The following NSRP1 variants were observed in gnomAD, a reference collection of about 807,000 sequenced individuals.
NSRP1 encodes the protein nuclear speckle splicing regulatory protein 1, also known as coiled-coil domain containing 55.
In NSRP1, 24 loss-of-function variants were observed where a neutral mutation model predicts 54.7. That is an observed-to-expected ratio of 0.44 (90% CI 0.32 to 0.62). The LOEUF (loss-of-function observed/expected upper bound fraction) is 0.62. Ranked by LOEUF, NSRP1 falls within the 20% of genes least tolerant of loss-of-function variation. The probability of loss-of-function intolerance (pLI) is 0.06; values close to 1 mark genes in which losing one functional copy is unlikely to be tolerated. For synonymous variants in NSRP1, 210 were observed against 213.8 expected, an observed-to-expected ratio of 0.98 and a Z score of 0.15; for missense variants, 596 against 651.2, an observed-to-expected ratio of 0.92 and a Z score of 0.92.
intron 1 of NSRP1, 101 bp from the exon 2 acceptor site, chr17:30,117,979 C>T: frequency 1.1e-6 from 1 of 906,862 alleles, no homozygotes; most frequent in Non-Finnish European, 1.8e-6. Flanking sequence ...AAGCTTATGA[C>T]ATGTTTTGAT....
At position 30,160,347 on chromosome 17, in the gene NSRP1, C is replaced by CT. The variant is rs776801783; in HGVS notation, c.115-12191dup. On this transcript the variant is annotated intron_variant, in intron 2 of 6. Coordinates refer to ENST00000247026, the MANE Select transcript of NSRP1 (RefSeq NM_032141.4). ...AATGAGTTAGGAAGAATTCCCTTCT[C>CT]TTTTATTTTTTGGAATAGTTTGAGG... Among the ~76,000 whole-genome samples the CT allele has an allele frequency of 1.0e-3, 155 of 152,214 alleles. 1 individual carries two copies. Among genetic ancestry groups the CT allele is most frequent in the South Asian group, 2.3e-3 (11 of 4,822 alleles).
rs141217779 is a variant in NSRP1, at chr17:30,155,903, G to A, written c.115-16639G>A. Among the ~76,000 whole-genome samples the A allele has an allele frequency of 2.0e-3, 299 of 151,800 alleles. 1 individual carries two copies. Among genetic ancestry groups the A allele is most frequent in the African/African-American group, 6.8e-3 (283 of 41,406 alleles). On this transcript the variant is annotated intron_variant, in intron 2 of 6. Coordinates refer to ENST00000247026, the MANE Select transcript of NSRP1 (RefSeq NM_032141.4). Reference sequence around the variant, plus strand: ...CACCCAGGCTGGAGTGCAGTGGCACGATCTTGGCTCACTGCACCCTCCACC... The same window carrying A: ...CACCCAGGCTGGAGTGCAGTGGCACAATCTTGGCTCACTGCACCCTCCACC...
chr17:30,167,968 A>G, intron 2 of NSRP1: 1 of 152,218 alleles, frequency 6.6e-6, no homozygotes, highest in East Asian at 1.9e-4. Flanking sequence ...CAGAGGAATC[A>G]TCTCAGTTGG....
intron 2 of NSRP1, among the ~76,000 whole-genome samples, chr17:30,132,566 C>G (rs138425841): frequency 6.8e-4 from 103 of 152,212 alleles, no homozygotes; most frequent in Middle Eastern, 3.4e-3. Flanking sequence ...AGAAAAGAAA[C>G]CATTTTCTTT....
At chr17:30,128,027 CAG>C (rs2071666173) in intron 2 of NSRP1, 1 of 389,704 alleles carries the variant, frequency 2.6e-6, no homozygotes, top group Admixed American at 4.5e-5. Flanking sequence ...TTTGTAGAGA[CAG>C]AGTCTCACTG....
At chr17:30,126,303 A>G (rs1253806843) in intron 2 of NSRP1, among the ~76,000 whole-genome samples, 3 of 152,136 alleles carry the variant, frequency 2.0e-5, no homozygotes, top group Admixed American at 6.5e-5. Flanking sequence ...TCGTGCTTGC[A>G]GTTTTTCACA....
intron 2 of NSRP1, chr17:30,154,440 G>A (rs953311453): frequency 6.6e-6 from 1 of 152,222 alleles, no homozygotes; most frequent in Admixed American, 6.5e-5. Context: ...GGGGCCAGGT[G>A]TGGTGGCTGG....
chr17:30,162,439 C>A (rs372347673), intron 2 of NSRP1, among the ~76,000 whole-genome samples: 2 of 152,246 alleles, frequency 1.3e-5, no homozygotes, highest in East Asian at 3.9e-4. Context: ...TTTGTACTTA[C>A]AAGAGTTGTG....
intron 3 of NSRP1, among the ~76,000 whole-genome samples, chr17:30,176,224 T>A (rs1474886771): frequency 6.6e-6 from 1 of 152,184 alleles, no homozygotes; most frequent in African/African-American, 2.4e-5. Flanking sequence ...ATTTTTGCTT[T>A]ATTTATGTTG....
chr17:30,158,845 T>G (rs1907071685), intron 2 of NSRP1, among the ~76,000 whole-genome samples: 1 of 152,166 alleles, frequency 6.6e-6, no homozygotes. Context: ...ATACTAATAC[T>G]ATGCTAGTTT....
intron 2 of NSRP1, among the ~76,000 whole-genome samples, chr17:30,160,446 G>A (rs191441144): frequency 6.6e-6 from 1 of 152,146 alleles, no homozygotes; most frequent in East Asian, 1.9e-4. Flanking sequence ...TCTTTTTTAG[G>A]AGACTTTTTA....
chr17:30,179,364 TTGCTC>T (rs1450820944), intron 5 of NSRP1, 67 bp downstream of exon 5: 11 of 1,465,880 alleles, frequency 7.5e-6, no homozygotes, highest in Non-Finnish European at 9.9e-6. Flanking sequence ...GGTTAGCTGT[TTGCTC>T]TGTCACTGAA....
At chr17:30,125,597 G>T (rs1280468335) in intron 2 of NSRP1, among the ~76,000 whole-genome samples, 1 of 152,190 alleles carries the variant, frequency 6.6e-6, no homozygotes, top group Non-Finnish European at 1.5e-5. Flanking sequence ...ATCCAGGCTG[G>T]AGTGCAGTGG....
chr17:30,181,596 GGTTTTTTTTTTTT>G (rs1038705090), intron 6 of NSRP1, among the ~76,000 whole-genome samples: 2 of 112,872 alleles, frequency 1.8e-5, no homozygotes, highest in African/African-American at 5.6e-5. Context: ...TTGTGTGTGT[GGTTTTTTTTTTTT>G]GTTTTTTTTT....
chr17:30,172,968 T>C (rs1905006636), intron 3 of NSRP1, among the ~76,000 whole-genome samples: 1 of 143,374 alleles, frequency 7.0e-6, no homozygotes, highest in Admixed American at 6.9e-5. Context: ...GATATATAGA[T>C]TTTTTTTTTT....
chr17:30,151,774 CTTTTTTTTTTTTTT>C (rs780507533), intron 2 of NSRP1, among the ~76,000 whole-genome samples: 5 of 48,922 alleles, frequency 1.0e-4, no homozygotes, highest in Non-Finnish European at 2.0e-4. Context: ...TTGTCACTTT[CTTTTTTTTTTTTTT>C]TTTTTTTTTT....
At chr17:30,125,208 A>T (rs1006088498) in intron 2 of NSRP1, among the ~76,000 whole-genome samples, 6 of 151,792 alleles carry the variant, frequency 4.0e-5, no homozygotes, top group Non-Finnish European at 7.4e-5. Flanking sequence ...AAAAAAGATT[A>T]AAAAAAAATT....
intron 2 of NSRP1, among the ~76,000 whole-genome samples, chr17:30,143,374 C>T (rs1466362471): frequency 1.3e-5 from 2 of 152,132 alleles, no homozygotes; most frequent in Non-Finnish European, 2.9e-5. Flanking sequence ...GCTTTATCTG[C>T]AAGAAGTACA....
At chr17:30,117,031 A>G (rs1167719749) in intron 1 of NSRP1, 168 bp downstream of exon 1, 3 of 912,468 alleles carry the variant, frequency 3.3e-6, no homozygotes, top group African/African-American at 3.3e-5. Flanking sequence ...TCCCCCGTAC[A>G]TTTTCCCGGA....
Sources: gnomAD v4.1 joint callset for allele counts (sites outside exome capture counted in the v4.1 genomes callset) on GRCh38, gnomAD v4.1.1 for gene constraint, MANE v1.5 for transcripts, NCBI Gene and HGNC (gene_info 2026-07-23, HGNC 2026-07-21) for gene names.